SEM1: variants seen among roughly 807,000 people sequenced by gnomAD.
The protein encoded by SEM1 is SEM1 26S proteasome subunit.
In SEM1, 3 loss-of-function variants were observed where a neutral mutation model predicts 12.7. That is an observed-to-expected ratio of 0.24 (90% CI 0.11 to 0.61). The LOEUF (loss-of-function observed/expected upper bound fraction) is 0.61, where lower values mean the gene tolerates loss of function less well. Among genes scored for constraint, SEM1 ranks in the 20% least tolerant of loss-of-function variants. The pLI is 0.88. For missense variants in SEM1, 59 were observed against 81.3 expected, an observed-to-expected ratio of 0.73 and a Z score of 1.06; for synonymous variants, 30 against 27.8, an observed-to-expected ratio of 1.08 and a Z score of -0.25.
chr7:96,667,244 A>G (rs551471926), intron 2 of SEM1, among the ~76,000 whole-genome samples: 59 of 152,298 alleles, frequency 3.9e-4, no homozygotes, highest in Non-Finnish European at 5.6e-4. Flanking sequence ...TCTAAACTAT[A>G]GCCACAGCCT....
chr7:96,506,924 A>G (rs1803771370), intron 2 of SEM1, among the ~76,000 whole-genome samples: 1 of 152,132 alleles, frequency 6.6e-6, no homozygotes, highest in Non-Finnish European at 1.5e-5. Context: ...TAAAACTTAG[A>G]ATATGAACAG....
intron 2 of SEM1, among the ~76,000 whole-genome samples, chr7:96,541,510 A>G (rs1584749237): frequency 1.6e-5 from 2 of 124,034 alleles, no homozygotes; most frequent in African/African-American, 6.2e-5. Context: ...CCTTTGTTGG[A>G]TGTATTATTT....
At chr7:96,561,066 G>A (rs1441469687) in intron 2 of SEM1, among the ~76,000 whole-genome samples, 1 of 152,076 alleles carries the variant, frequency 6.6e-6, no homozygotes, top group Non-Finnish European at 1.5e-5. Flanking sequence ...TCACGTGTGT[G>A]CCACTGTGCC....
chr7:96,632,985 T>A (rs573323931), intron 2 of SEM1, among the ~76,000 whole-genome samples: 7 of 152,082 alleles, frequency 4.6e-5, no homozygotes, highest in South Asian at 2.1e-4. Context: ...AGAGTTTTTT[T>A]AATTTTCTTG....
At chr7:96,688,415 T>C (rs928714365), downstream of SEM1, 1 of 152,246 alleles carries the variant, frequency 6.6e-6, no homozygotes, top group Non-Finnish European at 1.5e-5. Context: ...CAATTTAAAA[T>C]GATTAATATT....
At chr7:96,632,718 A>G (rs1052342355) in intron 2 of SEM1, among the ~76,000 whole-genome samples, 1 of 152,000 alleles carries the variant, frequency 6.6e-6, no homozygotes, top group Non-Finnish European at 1.5e-5. Context: ...TTTTAAAAAA[A>G]CAGGTACTGT....
exon 4 of SEM1, chr7:96,483,762 G>A: frequency 6.8e-7 from 1 of 1,472,324 alleles, no homozygotes; most frequent in South Asian, 1.2e-5. Flanking sequence ...CATGTGCCTT[G>A]AAGACAGAGA....
intron 2 of SEM1, among the ~76,000 whole-genome samples, chr7:96,571,645 A>G (rs1198705508): frequency 1.3e-5 from 2 of 151,746 alleles, no homozygotes; most frequent in Non-Finnish European, 1.5e-5. Context: ...GGATGAAGCC[A>G]ACCTAATCAT....
intron 2 of SEM1, among the ~76,000 whole-genome samples, chr7:96,517,821 A>G (rs536516300): frequency 1.5e-4 from 23 of 152,256 alleles, no homozygotes; most frequent in African/African-American, 5.5e-4. Flanking sequence ...TAATAAGACT[A>G]CTGTTTTTCA....
intron 2 of SEM1, among the ~76,000 whole-genome samples, chr7:96,634,610 T>TAA (rs1300479054): frequency 6.7e-6 from 1 of 148,450 alleles, no homozygotes; most frequent in Non-Finnish European, 1.5e-5. Flanking sequence ...ATAATATATA[T>TAA]AATACATAAG....
chr7:96,522,578 A>AC (rs1804312308), intron 2 of SEM1, among the ~76,000 whole-genome samples: 1 of 151,714 alleles, frequency 6.6e-6, no homozygotes, highest in Admixed American at 6.6e-5. Flanking sequence ...GAAAAAAAAA[A>AC]AAAAAAGATG....
At chr7:96,608,945 A>G (rs944677347) in intron 2 of SEM1, among the ~76,000 whole-genome samples, 17 of 152,314 alleles carry the variant, frequency 1.1e-4, no homozygotes, top group African/African-American at 3.8e-4. Context: ...CCTAAGACTG[A>G]AATTGCTGGT....
chr7:96,519,604 A>C (rs1804207279), intron 2 of SEM1, among the ~76,000 whole-genome samples: 1 of 152,096 alleles, frequency 6.6e-6, no homozygotes, highest in Non-Finnish European at 1.5e-5. Flanking sequence ...GGAACAAGCC[A>C]TGTTAATATC....
At chr7:96,650,679 TGC>T (rs913493780) in intron 2 of SEM1, among the ~76,000 whole-genome samples, 104 of 141,730 alleles carry the variant, frequency 7.3e-4, no homozygotes, top group African/African-American at 3.0e-3. Context: ...CACACACAGA[TGC>T]GCGCACACAC....
chr7:96,610,730 G>C (rs2116234830), intron 2 of SEM1, among the ~76,000 whole-genome samples: 1 of 152,308 alleles, frequency 6.6e-6, no homozygotes, highest in East Asian at 1.9e-4. Flanking sequence ...AAGGTTACCA[G>C]AGTCTACAAT....
At position 96,540,209 on chromosome 7, in the gene SEM1, T is replaced by G. The variant is rs542364694; in HGVS notation, c.171-33511A>C. Among the ~76,000 whole-genome samples, 4 of 151,688 alleles carry G rather than the reference T, an allele frequency of 2.6e-5. No individual in the cohort carries two copies. In the South Asian group the frequency reaches 8.3e-4, roughly 31 times the overall value. ...CTAATATTTATTTTTTAAAACTTTA[T>G]GACAAAGAAAACATCACCAATTAAT... On this transcript the variant is annotated intron_variant and NMD_transcript_variant, in intron 2 of 3. Coordinates refer to the SEM1 transcript ENST00000466986.
intron 2 of SEM1, among the ~76,000 whole-genome samples, chr7:96,579,622 A>G (rs1391264286): frequency 1.3e-5 from 2 of 152,228 alleles, no homozygotes; most frequent in Non-Finnish European, 2.9e-5. Context: ...AGTTGTGAAA[A>G]TTGAAGTATA....
intron 1 of SEM1, among the ~76,000 whole-genome samples, chr7:96,708,914 T>C (rs761647060): frequency 2.0e-5 from 3 of 151,572 alleles, no homozygotes; most frequent in Non-Finnish European, 2.9e-5. Flanking sequence ...TTATCTACAA[T>C]GAAAAAACCA....
At chr7:96,531,723 C>T (rs746510550) in intron 2 of SEM1, among the ~76,000 whole-genome samples, 1 of 151,892 alleles carries the variant, frequency 6.6e-6, no homozygotes, top group Non-Finnish European at 1.5e-5. Context: ...CATGTAGATG[C>T]TCAGTGTTAA....
Sources: gnomAD v4.1 joint callset for allele counts (sites outside exome capture counted in the v4.1 genomes callset) on GRCh38, gnomAD v4.1.1 for gene constraint, MANE v1.5 for transcripts, NCBI Gene and HGNC (gene_info 2026-07-23, HGNC 2026-07-21) for gene names.